Variants in NFATC1 observed in about 807,000 individuals in gnomAD.
The protein encoded by NFATC1 is nuclear factor of activated T-cells, cytoplasmic 1.
A neutral mutation model predicts 76.0 loss-of-function variants in NFATC1; 22 were observed. The observed-to-expected ratio is 0.29, with a 90% CI of 0.21 to 0.41. The LOEUF is 0.41. Ranked by LOEUF, NFATC1 falls within the 10% of genes least tolerant of loss-of-function variation. The probability of loss-of-function intolerance (pLI) is 1.00; values close to 1 mark genes in which losing one functional copy is unlikely to be tolerated. For synonymous variants in NFATC1, 704 were observed against 613.1 expected, an observed-to-expected ratio of 1.15 and a Z score of -2.19; for missense variants, 1,357 against 1,337.7, an observed-to-expected ratio of 1.01 and a Z score of -0.23.
intron 3 of NFATC1, among the ~76,000 whole-genome samples, chr18:79,437,802 C>T (rs963907852): frequency 7.2e-5 from 11 of 152,226 alleles, no homozygotes; most frequent in Admixed American, 2.0e-4. Flanking sequence ...ACCAGGAGTT[C>T]GCGAGTGCTC....
At chr18:79,429,926 T>C (rs2086531653) in intron 2 of NFATC1, among the ~76,000 whole-genome samples, 1 of 152,232 alleles carries the variant, frequency 6.6e-6, no homozygotes, top group Non-Finnish European at 1.5e-5. Flanking sequence ...TTTTACTGCA[T>C]CTTTTCCATG....
intron 3 of NFATC1, among the ~76,000 whole-genome samples, chr18:79,438,066 C>G (rs998090076): frequency 1.2e-4 from 18 of 152,232 alleles, no homozygotes; most frequent in African/African-American, 4.1e-4. Context: ...TGTTCTCCAT[C>G]TGGGGGACTG....
At chr18:79,486,968 C>T (rs764922984) in intron 9 of NFATC1, 31 bp downstream of exon 9, 9 of 1,558,418 alleles carry the variant, frequency 5.8e-6, no homozygotes, top group Middle Eastern at 1.7e-4. Context: ...AGGTGTGTGC[C>T]CCGCCTGGCG....
chr18:79,451,389 G>A (rs558833696), intron 5 of NFATC1, among the ~76,000 whole-genome samples: 22 of 152,394 alleles, frequency 1.4e-4, no homozygotes, highest in Non-Finnish European at 2.9e-4. Flanking sequence ...TTCCCCTCAC[G>A]CTGCGCTGAC....
intron 8 of NFATC1, among the ~76,000 whole-genome samples, chr18:79,478,583 G>A (rs1366098947): frequency 1.3e-5 from 2 of 152,124 alleles, no homozygotes; most frequent in Non-Finnish European, 2.9e-5. Context: ...TCCAGGCTTG[G>A]GGGTTCTTTA....
intron 2 of NFATC1, among the ~76,000 whole-genome samples, chr18:79,425,267 GTCTCTC>G (rs1215741377): frequency 1.1e-5 from 1 of 92,898 alleles, no homozygotes; most frequent in Non-Finnish European, 2.4e-5. Context: ...CCCTGTCTCT[GTCTCTC>G]TCTCTGTCTG....
chr18:79,522,811 A>G (rs998353980), intron 9 of NFATC1, among the ~76,000 whole-genome samples: 4 of 152,184 alleles, frequency 2.6e-5, no homozygotes, highest in African/African-American at 9.7e-5. Flanking sequence ...GTCGTCCCCC[A>G]GGCACCAGCC....
chr18:79,435,264 A>G (rs1163801872), intron 3 of NFATC1, among the ~76,000 whole-genome samples: 1 of 151,998 alleles, frequency 6.6e-6, no homozygotes, highest in Non-Finnish European at 1.5e-5. Context: ...GGGTGTAGGA[A>G]TCGAGGCTGT....
intron 9 of NFATC1, among the ~76,000 whole-genome samples, chr18:79,526,597 C>T (rs1480440935): frequency 1.3e-5 from 2 of 152,234 alleles, no homozygotes; most frequent in Admixed American, 1.3e-4. Context: ...TGTTTGCAGC[C>T]AGGGTTCCTC....
intron 3 of NFATC1, among the ~76,000 whole-genome samples, chr18:79,442,645 C>T (rs2060611): frequency 0.17 from 26,448 of 152,204 alleles, 2,402 homozygotes; most frequent in African/African-American, 0.2. Flanking sequence ...GCGGTGGCGG[C>T]GGCGGGTGGT....
rs187698340 is a variant in NFATC1, at chr18:79,405,358, C to T, written c.128-5045C>T. On this transcript the variant is annotated intron_variant, in intron 1 of 9. Transcript: ENST00000427363. Reference sequence around the variant, plus strand: ...ACACGGCAGCCAGGGAGTGGGGTCACCGAGCTCTGTGGTGGTGTCTGACGT... The same window carrying T: ...ACACGGCAGCCAGGGAGTGGGGTCATCGAGCTCTGTGGTGGTGTCTGACGT... Among the ~76,000 whole-genome samples, 30 of 152,376 alleles carry T rather than the reference C, an allele frequency of 2.0e-4. No individual in the cohort carries two copies. The East Asian group carries it at 5.6e-3, about 28-fold the overall frequency.
intron 3 of NFATC1, among the ~76,000 whole-genome samples, chr18:79,444,927 A>G (rs1406389145): frequency 6.6e-6 from 1 of 152,124 alleles, no homozygotes; most frequent in African/African-American, 2.4e-5. Flanking sequence ...CTGGAATGTC[A>G]CCGTGGACCC....
At chr18:79,488,919 G>A (rs1247697053) in intron 9 of NFATC1, among the ~76,000 whole-genome samples, 1 of 151,986 alleles carries the variant, frequency 6.6e-6, no homozygotes, top group Non-Finnish European at 1.5e-5. Flanking sequence ...TGTGGCCCAC[G>A]TGTGGCTTTA....
chr18:79,481,647 C>G (rs1002337624), intron 8 of NFATC1, among the ~76,000 whole-genome samples: 1 of 152,254 alleles, frequency 6.6e-6, no homozygotes, highest in Non-Finnish European at 1.5e-5. Flanking sequence ...TCAGCCCGAA[C>G]TAAGGAGAAT....
At chr18:79,461,238 T>C in intron 6 of NFATC1, 73 bp from the exon 7 acceptor site, 1 of 1,567,296 alleles carries the variant, frequency 6.4e-7, no homozygotes, top group Non-Finnish European at 8.8e-7. Context: ...TGGGTCTGGA[T>C]CACGTGGGGG....
Position 79,410,353 on chromosome 18 carries a change from T to C in NFATC1, c.128-50T>C. 2 of 1,552,342 alleles carry C rather than the reference T, an allele frequency of 1.3e-6. No individual in the cohort carries two copies. The highest frequency in any genetic ancestry group is 1.8e-5 in the Admixed American group (1 of 54,794). ...CGGCCCTGAGTTCATGGGTTTCTGC[T>C]TTGTGATGCCCAGCCCCTCATGCTC... is the stretch of plus-strand genomic sequence containing the variant. On this transcript the variant is annotated intron_variant, in intron 1 of 9. Transcript: ENST00000427363. This position sits in a 1 kb window ranked among gnomAD's most constrained non-coding sequence, Gnocchi z 6.7.
At chr18:79,427,676 GGGCT>G (rs2086419946) in intron 2 of NFATC1, among the ~76,000 whole-genome samples, 1 of 113,098 alleles carries the variant, frequency 8.8e-6, no homozygotes, top group Non-Finnish European at 1.8e-5. Context: ...TGTGGTGTGG[GGGCT>G]GGATGGCTGG....
intron 3 of NFATC1, among the ~76,000 whole-genome samples, chr18:79,446,380 C>T (rs1047422026): frequency 1.4e-4 from 22 of 152,140 alleles, no homozygotes; most frequent in African/African-American, 4.3e-4. Context: ...GGAGCTGCCC[C>T]GGTGCCCCTC....
Position 79,487,020 on chromosome 18 carries a change from G to T in NFATC1, c.2782+83G>T, listed in dbSNP as rs145001288. On this transcript the variant is annotated intron_variant, in intron 9 of 9. Coordinates refer to ENST00000427363, the MANE Select transcript of NFATC1 (RefSeq NM_001278669.2). ...TGGAGGGGCCGTGTGCGTGCTGCGTGTGTGGCACGTGTGGAAGTGCACCGA... is the reference window on the plus strand; with the variant it reads ...TGGAGGGGCCGTGTGCGTGCTGCGTTTGTGGCACGTGTGGAAGTGCACCGA... The T allele has an allele frequency of 2.4e-5, 34 of 1,404,546 alleles. 1 individual carries two copies. The highest frequency in any genetic ancestry group is 2.9e-5 in the Non-Finnish European group (30 of 1,040,226). 87.0% of individuals were successfully genotyped at this position (1,404,546 alleles called of 1,614,324 possible).
Sources: allele counts gnomAD v4.1 joint callset (sites outside exome capture counted in the v4.1 genomes callset), GRCh38; gene constraint gnomAD v4.1.1; non-coding constraint Gnocchi (gnomAD v3.1); transcripts MANE v1.5; gene names NCBI Gene and HGNC (gene_info 2026-07-23, HGNC 2026-07-21).